The following P3H2 variants were observed in gnomAD, a reference collection of about 807,000 sequenced individuals.
The protein encoded by P3H2 is leprecan-like 1.
In P3H2, 80 loss-of-function variants were observed where a neutral mutation model predicts 87.0. That is an observed-to-expected ratio of 0.92 (90% CI 0.77 to 1.11). P3H2 has a LOEUF of 1.11. Ranked by LOEUF, P3H2 falls within the 50% of genes least tolerant of loss-of-function variation. The probability of loss-of-function intolerance (pLI) is 0.00; values close to 1 mark genes in which losing one functional copy is unlikely to be tolerated. For synonymous variants in P3H2, 367 were observed against 359.3 expected (o/e 1.02, Z -0.24); for missense variants, 1,001 against 923.9 (o/e 1.08, Z -1.08).
rs114899649 is a variant in P3H2, at chr3:190,112,473, C to T, written c.480+7779G>A. 5.0e-3 allele frequency among the ~76,000 whole-genome samples: 756 copies of T among 152,072 alleles called. 4 individuals carry two copies. The highest frequency in any genetic ancestry group is 0.017 in the African/African-American group (718 of 41,382). On this transcript the variant is annotated intron_variant, in intron 1 of 14. Coordinates refer to ENST00000319332, the MANE Select transcript of P3H2 (RefSeq NM_018192.4). Reference sequence around the variant, plus strand: ...ACGGTTTATCAGATTAAATGAAAGGCTCAATGGCTTTTATTTTAATACAGC... The same window carrying T: ...ACGGTTTATCAGATTAAATGAAAGGTTCAATGGCTTTTATTTTAATACAGC...
chr3:189,986,956 A>G (rs1577255707), intron 5 of P3H2, 79 bp from the exon 6 acceptor site: 1 of 944,712 alleles, frequency 1.1e-6, no homozygotes, highest in Middle Eastern at 2.1e-4. Context: ...AGGTGGCAAT[A>G]TTTTCATTAG....
At chr3:189,968,262 ACAGG>A (rs1478533863) in intron 13 of P3H2, among the ~76,000 whole-genome samples, 2 of 152,002 alleles carry the variant, frequency 1.3e-5, no homozygotes, top group African/African-American at 2.4e-5. Context: ...TATCCCCCTG[ACAGG>A]CCCTGGTGTG....
intron 3 of P3H2, 22 bp downstream of exon 3, chr3:189,994,072 A>C: frequency 6.4e-7 from 1 of 1,567,802 alleles, no homozygotes. Context: ...GAAAGAAATA[A>C]AATGAAAAAT....
chr3:190,087,465 A>G (rs1469327285), intron 1 of P3H2, among the ~76,000 whole-genome samples: 11 of 148,706 alleles, frequency 7.4e-5, no homozygotes, highest in African/African-American at 2.7e-4. Context: ...AATGGCGTGA[A>G]CCTGGGAGGC....
chr3:189,985,376 T>C (rs1723658187), intron 6 of P3H2, among the ~76,000 whole-genome samples: 1 of 151,510 alleles, frequency 6.6e-6, no homozygotes, highest in Non-Finnish European at 1.5e-5. Flanking sequence ...ACATAATATA[T>C]AAATAATAAA....
chr3:190,064,823 T>C (rs149051848), intron 1 of P3H2, among the ~76,000 whole-genome samples: 29 of 152,292 alleles, frequency 1.9e-4, no homozygotes, highest in Admixed American at 5.2e-4. Context: ...TAACAGGACA[T>C]ATCAGAGGCT....
intron 1 of P3H2, among the ~76,000 whole-genome samples, chr3:190,006,152 A>C (rs7623522): frequency 0.021 from 3,125 of 152,306 alleles, 115 homozygotes; most frequent in African/African-American, 0.071. Context: ...AGATCTACTT[A>C]CTGACTAAAC....
At chr3:189,975,733 G>T (rs1723330584) in intron 8 of P3H2, among the ~76,000 whole-genome samples, 1 of 152,162 alleles carries the variant, frequency 6.6e-6, no homozygotes. Context: ...AAATAGATTA[G>T]TCAGCCTAGG....
chr3:189,967,903 ATG>A (rs1181245009), intron 13 of P3H2, among the ~76,000 whole-genome samples: 3 of 151,810 alleles, frequency 2.0e-5, no homozygotes, highest in East Asian at 3.8e-4. Flanking sequence ...TGAATAACAT[ATG>A]TGTGTCATAA....
At chr3:190,081,523 T>C (rs1256715678) in intron 1 of P3H2, among the ~76,000 whole-genome samples, 1 of 152,200 alleles carries the variant, frequency 6.6e-6, no homozygotes, top group Non-Finnish European at 1.5e-5. Context: ...TTCAAATTGT[T>C]TCAAGAAAAT....
At chr3:190,112,135 G>T (rs182779799) in intron 1 of P3H2, among the ~76,000 whole-genome samples, 3 of 152,330 alleles carry the variant, frequency 2.0e-5, no homozygotes, top group African/African-American at 7.2e-5. Context: ...CCCTGTTCTA[G>T]TGTGGATCTT....
chr3:190,043,533 T>C (rs1422971236), intron 1 of P3H2, among the ~76,000 whole-genome samples: 1 of 152,194 alleles, frequency 6.6e-6, no homozygotes, highest in Non-Finnish European at 1.5e-5. Flanking sequence ...ACACAAGAAT[T>C]TCCTATTGAT....
At chr3:190,116,271 T>A (rs1712284643) in intron 1 of P3H2, among the ~76,000 whole-genome samples, 1 of 152,172 alleles carries the variant, frequency 6.6e-6, no homozygotes, top group African/African-American at 2.4e-5. Flanking sequence ...TTTTAACTAA[T>A]AAAAAGAATA....
chr3:190,021,001 T>A (rs2108940676), intron 1 of P3H2, among the ~76,000 whole-genome samples: 1 of 134,410 alleles, frequency 7.4e-6, no homozygotes, highest in East Asian at 2.5e-4. Flanking sequence ...GGCAAAATAA[T>A]GTTTTCAAAG....
intron 1 of P3H2, among the ~76,000 whole-genome samples, chr3:190,008,726 G>C (rs1183141321): frequency 1.3e-5 from 2 of 152,162 alleles, no homozygotes; most frequent in African/African-American, 2.4e-5. Flanking sequence ...TATTTCTAGA[G>C]GTTCTAAAGC....
rs1184393226 is a variant in P3H2 at position 190,120,275 on chromosome 3, AG to A, written c.456del (p.Tyr153ThrfsTer51). ...ACCTTGATGTAGGCCCGCTGCAGGT[AG>A]TTGTAGGGCACTCTGCGCTGGAAGT... ...RSDFQRRVPYNYLQRAYIKLN... is the reference protein window; with the variant it reads ...RSDFQRRVPYXYLQRAYIKLN... On this transcript the variant is annotated frameshift_variant, in exon 1 of 15. Coordinates refer to ENST00000319332, the MANE Select transcript of P3H2 (RefSeq NM_018192.4). LOFTEE classifies it high-confidence loss of function. 6.2e-7 allele frequency: 1 copy of A among 1,611,284 alleles called. No individual in the cohort carries two copies. Among genetic ancestry groups the A allele is most frequent in the Admixed American group, 1.7e-5 (1 of 59,822 alleles).
chr3:190,120,502 A>T lies in P3H2; in HGVS notation c.230T>A (p.Leu77Gln). 1 of 1,465,006 alleles carries T rather than the reference A, an allele frequency of 6.8e-7. No individual in the cohort carries two copies. Among genetic ancestry groups the T allele is most frequent in the Non-Finnish European group, 9.0e-7 (1 of 1,115,124 alleles). 90.8% of individuals were successfully genotyped at this position (1,465,006 alleles called of 1,614,324 possible). ...GGCACAGCGCGTGCGGATTTCCCGC[A>T]GGCGCCGGTGGCTGCGCAGCGCCGC... ...LEAALRSHRR[L>Q]REIRTRCARH... is the part of the protein sequence containing the mutation. Residue 77 changes from leucine (L) to glutamine (Q), a missense_variant, in exon 1 of 15, where the codon CTG becomes CAG. Physicochemically the swap from Leu to Gln is moderately radical, Grantham distance 113. Coordinates refer to ENST00000319332, the MANE Select transcript of P3H2 (RefSeq NM_018192.4).
chr3:190,109,198 T>C lies in P3H2; in HGVS notation c.480+11054A>G, dbSNP rs544889065. On this transcript the variant is annotated intron_variant, in intron 1 of 14. Transcript: ENST00000319332. ...GACCTTTAGACTTCAATCTAATTGC[T>C]TTTGGCTTTCCTTTGCTTCATTTTT... Among the ~76,000 whole-genome samples, 187 of 152,372 alleles carry C rather than the reference T, an allele frequency of 1.2e-3. 1 individual carries two copies. In the Middle Eastern group the frequency reaches 0.017, roughly 14 times the overall value.
At chr3:190,108,150 T>C (rs1366295833) in intron 1 of P3H2, among the ~76,000 whole-genome samples, 1 of 150,952 alleles carries the variant, frequency 6.6e-6, no homozygotes, top group Non-Finnish European at 1.5e-5. Context: ...TCACACACCA[T>C]AATTTTTTTT....
Sources: gnomAD v4.1 joint callset for allele counts (sites outside exome capture counted in the v4.1 genomes callset) on GRCh38, gnomAD v4.1.1 for gene constraint, MANE v1.5 for transcripts, NCBI Gene and HGNC (gene_info 2026-07-23, HGNC 2026-07-21) for gene names.